Variants in IL1R1 observed in about 807,000 individuals in gnomAD.
The protein encoded by IL1R1 is interleukin-1 receptor type 1.
In IL1R1, 22 loss-of-function variants were observed where a neutral mutation model predicts 50.2. That is an observed-to-expected ratio of 0.44 (90% CI 0.31 to 0.63). The LOEUF (loss-of-function observed/expected upper bound fraction) is 0.63. IL1R1 is among the 20% of genes least tolerant of loss of function. IL1R1 has a pLI of 0.07. For synonymous variants in IL1R1, 251 were observed against 236.7 expected (o/e 1.06, Z -0.55); for missense variants, 509 against 676.2 (o/e 0.75, Z 2.74).
intron 1 of IL1R1, among the ~76,000 whole-genome samples, chr2:102,121,254 C>T (rs188932883): frequency 6.6e-6 from 1 of 152,312 alleles, no homozygotes; most frequent in East Asian, 1.9e-4. Context: ...CGCCCCCCAA[C>T]CCCCTGGTTT....
In IL1R1 at chr2:102,176,807, G is replaced by A. The variant is rs200518433; in HGVS notation, c.*48G>A. On this transcript the variant is annotated 3_prime_UTR_variant, in exon 12 of 12. Transcript: ENST00000410023. ...CTTTAGGTGCCTCCTGTCTTATGGC[G>A]TTGCAGGCCAGGTTATGCCTCATGC... 100 of 1,565,388 alleles carry A rather than the reference G, an allele frequency of 6.4e-5. No individual in the cohort carries two copies. Among genetic ancestry groups the A allele is most frequent in the Non-Finnish European group, 8.3e-5 (95 of 1,143,890 alleles).
Position 102,171,817 on chromosome 2 carries a change from G to A in IL1R1, c.738G>A (p.Leu246=). ...TCTTTGCAGGATCCCAGATACAATT[G>A]ATCTGTAATGTCACCGGCCAGTTGA... ...MEVDLGSQIQ[L]ICNVTGQLSD... Residue 246 remains leucine, a synonymous_variant, in exon 8 of 12, where the codon TTG becomes TTA. Transcript: ENST00000410023. 6.3e-7 allele frequency: 1 copy of A among 1,595,406 alleles called. No homozygotes were observed. The highest frequency in any genetic ancestry group is 8.6e-7 in the Non-Finnish European group (1 of 1,166,110).
At chr2:102,111,402 A>G (rs2104366841) in intron 1 of IL1R1, among the ~76,000 whole-genome samples, 1 of 152,344 alleles carries the variant, frequency 6.6e-6, no homozygotes, top group East Asian at 1.9e-4. Context: ...CGTGTGAGAC[A>G]AGTGGAGACA....
intron 1 of IL1R1, among the ~76,000 whole-genome samples, chr2:102,126,922 A>T (rs545766940): frequency 4.6e-5 from 7 of 152,198 alleles, no homozygotes. Flanking sequence ...GCTGGGTTTC[A>T]GTGAAGAATG....
chr2:102,165,909 A>G (rs1205675750), intron 5 of IL1R1, among the ~76,000 whole-genome samples: 2 of 152,220 alleles, frequency 1.3e-5, no homozygotes, highest in Non-Finnish European at 2.9e-5. Flanking sequence ...CAAGTCTCAT[A>G]GACTTGAAAA....
intron 2 of IL1R1, among the ~76,000 whole-genome samples, chr2:102,157,218 C>T (rs1280635738): frequency 6.6e-6 from 1 of 152,064 alleles, no homozygotes; most frequent in Non-Finnish European, 1.5e-5. Context: ...TAGCTATATC[C>T]TATTGTACAA....
intron 1 of IL1R1, among the ~76,000 whole-genome samples, chr2:102,072,171 AACTGC>A (rs1678752490): frequency 6.6e-6 from 1 of 151,890 alleles, no homozygotes; most frequent in Non-Finnish European, 1.5e-5. Flanking sequence ...GAAGCAGGAG[AACTGC>A]TTGAACCCGG....
intron 1 of IL1R1, among the ~76,000 whole-genome samples, chr2:102,083,643 C>A (rs765167412): frequency 2.6e-4 from 40 of 152,080 alleles, no homozygotes; most frequent in Non-Finnish European, 4.6e-4. Context: ...TGTGCTAATG[C>A]TTTTTAAAAG....
At chr2:102,153,650 G>A (rs1347835454) in intron 1 of IL1R1, among the ~76,000 whole-genome samples, 1 of 152,118 alleles carries the variant, frequency 6.6e-6, no homozygotes, top group Non-Finnish European at 1.5e-5. Flanking sequence ...ATTCTCATGA[G>A]ATCTGATGGT....
Position 102,172,498 on chromosome 2 carries a change from A to T in IL1R1, c.840-189A>T, listed in dbSNP as rs1431248837. 3 of 1,156,196 alleles carry T rather than the reference A, an allele frequency of 2.6e-6. No individual in the cohort carries two copies. In the East Asian group the frequency reaches 9.2e-5, roughly 35 times the overall value. The allele number at this position is 1,156,196 out of a possible 1,614,324, so 71.6% of individuals were successfully genotyped here. On this transcript the variant is annotated intron_variant, in intron 8 of 11. Coordinates refer to ENST00000410023, the MANE Select transcript of IL1R1 (RefSeq NM_000877.4). ...CTCTGCTACTGAGCCTGTTACTGACAGTGGTCTTGGGGTTATAAAATCTCA... is the reference window on the plus strand; with the variant it reads ...CTCTGCTACTGAGCCTGTTACTGACTGTGGTCTTGGGGTTATAAAATCTCA...
intron 6 of IL1R1, among the ~76,000 whole-genome samples, chr2:102,166,931 T>A (rs1241891786): frequency 6.6e-6 from 1 of 152,240 alleles, no homozygotes; most frequent in Admixed American, 6.5e-5. Flanking sequence ...CAATTCTGCG[T>A]TAACCATGTT....
chr2:102,164,723 C>A, intron 3 of IL1R1, 51 bp from the exon 4 acceptor site: 2 of 1,203,628 alleles, frequency 1.7e-6, no homozygotes, highest in South Asian at 1.3e-5. Flanking sequence ...TAAATCAAGA[C>A]ACACTGGCAG....
At position 102,178,726 on chromosome 2, in the gene IL1R1, A is replaced by G. The variant is rs1686346402; in HGVS notation, c.*1967A>G. On this transcript the variant is annotated 3_prime_UTR_variant, in exon 12 of 12. Coordinates refer to ENST00000410023, the MANE Select transcript of IL1R1 (RefSeq NM_000877.4). ...TCAAAAATTGTGTTTAGATTTTATG[A>G]AAAACTCTTCTACTTTCATCTATTC... 1 of 152,360 alleles carries G rather than the reference A, an allele frequency of 6.6e-6. No homozygotes were observed. Among genetic ancestry groups the G allele is most frequent in the South Asian group, 2.1e-4 (1 of 4,826 alleles). The allele number at this position is 152,360 out of a possible 1,614,324, so 9.4% of individuals were successfully genotyped here.
exon 1 of IL1R1, chr2:102,070,402 T>C (rs1357945246): frequency 6.6e-6 from 1 of 152,176 alleles, no homozygotes; most frequent in Non-Finnish European, 1.5e-5. Flanking sequence ...TTGTATCTTT[T>C]CATATCAAAA....
chr2:102,085,395 T>C (rs1423565630), intron 1 of IL1R1, among the ~76,000 whole-genome samples: 3 of 152,214 alleles, frequency 2.0e-5, no homozygotes, highest in Non-Finnish European at 4.4e-5. Flanking sequence ...GGATATGGTA[T>C]TAAGCAGTGG....
At chr2:102,164,690 T>G (rs1685020057) in intron 3 of IL1R1, 84 bp from the exon 4 acceptor site, 2 of 806,806 alleles carry the variant, frequency 2.5e-6, no homozygotes, top group Non-Finnish European at 4.1e-6. Flanking sequence ...TATTTAATAA[T>G]CAATGTGTTT....
At chr2:102,085,763 G>C (rs1679405130) in intron 1 of IL1R1, among the ~76,000 whole-genome samples, 1 of 151,820 alleles carries the variant, frequency 6.6e-6, no homozygotes, top group South Asian at 2.1e-4. Flanking sequence ...ATTTTGATTG[G>C]GATTGCAATT....
At chr2:102,086,539 CT>C (rs77606582) in intron 1 of IL1R1, among the ~76,000 whole-genome samples, 31,274 of 150,836 alleles carry the variant, frequency 0.21, 3,727 homozygotes, top group East Asian at 0.53. Context: ...TTCTCCCCCT[CT>C]TTTTTTTTGG....
chr2:102,135,916 G>A (rs931759057), intron 1 of IL1R1, among the ~76,000 whole-genome samples: 1 of 152,102 alleles, frequency 6.6e-6, no homozygotes, highest in African/African-American at 2.4e-5. Context: ...CATGTTTCCA[G>A]AGGCTACATG....
Sources: allele counts gnomAD v4.1 joint callset (sites outside exome capture counted in the v4.1 genomes callset), GRCh38; gene constraint gnomAD v4.1.1; transcripts MANE v1.5; gene names NCBI Gene and HGNC (gene_info 2026-07-23, HGNC 2026-07-21).